The following CDH26 variants were observed in gnomAD, a reference collection of about 807,000 sequenced individuals.
CDH26 encodes the protein cadherin 26.
A neutral mutation model predicts 90.3 loss-of-function variants in CDH26; 83 were observed. The ratio of observed to expected loss-of-function variants is 0.92; its 90% CI spans 0.77 to 1.10. CDH26 has a LOEUF of 1.10. Among genes scored for constraint, CDH26 ranks in the 50% least tolerant of loss-of-function variants. The pLI is 0.00. For synonymous variants in CDH26, 397 were observed against 396.3 expected (o/e 1.00, Z -0.02); for missense variants, 1,013 against 1,037.6 (o/e 0.98, Z 0.33).
intron 2 of CDH26, among the ~76,000 whole-genome samples, chr20:59,969,457 A>T (rs1349439422): frequency 6.6e-6 from 1 of 152,230 alleles, no homozygotes; most frequent in Non-Finnish European, 1.5e-5. Flanking sequence ...TTTAAAAAAG[A>T]ACTTACATTT....
chr20:59,970,809 AAAATAAATAAATAAAT>A (rs34187396), intron 3 of CDH26, among the ~76,000 whole-genome samples: 29 of 144,084 alleles, frequency 2.0e-4, no homozygotes, highest in African/African-American at 2.3e-4. Flanking sequence ...CTCTGTCTCA[AAAATAAATAAATAAAT>A]AAATAAATAA....
At chr20:59,990,602 G>T (rs194993) in intron 9 of CDH26, among the ~76,000 whole-genome samples, 46,834 of 152,016 alleles carry the variant, frequency 0.31, 10,282 homozygotes, top group African/African-American at 0.61. Context: ...ATAATGAAAT[G>T]GAATTACTAG....
At chr20:60,001,738 A>C (rs760229021) in intron 15 of CDH26, 14 of 616,972 alleles carry the variant, frequency 2.3e-5, no homozygotes, top group Admixed American at 1.3e-4. Context: ...AAAGCACAGC[A>C]CTTTGGCCCT....
At position 59,992,443 on chromosome 20, in the gene CDH26, C is replaced by A. The variant is rs945661593; in HGVS notation, c.1349C>A (p.Thr450Asn). Residue 450 changes from threonine to asparagine, a missense_variant, in exon 10 of 18, where the codon ACC becomes AAC. Transcript: ENST00000348616. This position sits in a 1 kb window ranked among gnomAD's most constrained non-coding sequence, Gnocchi z 5.0. ...GACAAAAACTCCGGAGTGGTCATCACCGTGGAGCCAATTGACCGAGAATCC... is the reference window on the plus strand; with the variant it reads ...GACAAAAACTCCGGAGTGGTCATCAACGTGGAGCCAATTGACCGAGAATCC... ...SVDKNSGVVI[T>N]VEPIDRESPH... 20 of 1,613,910 alleles carry A rather than the reference C, an allele frequency of 1.2e-5. No individual in the cohort carries two copies. The East Asian group carries it at 1.8e-4, about 14-fold the overall frequency.
chr20:59,985,004 GC>G lies in CDH26; in HGVS notation c.713del (p.Ala238ValfsTer7), dbSNP rs1569037388. 1 of 1,613,736 alleles carries G rather than the reference GC, an allele frequency of 6.2e-7. No individual in the cohort carries two copies. Among genetic ancestry groups the G allele is most frequent in the Non-Finnish European group, 8.5e-7 (1 of 1,179,816 alleles). ...RLSGCLDYET[A>X]PQFTLLIRAR... is the part of the protein sequence containing the mutation. ...CTTTCCTTTTCCTCCCACATAGACC[GC>G]TCCTCAGTTTACACTGCTAATCAGA... On this transcript the variant is annotated frameshift_variant, in exon 7 of 18. Coordinates refer to ENST00000348616, the MANE Select transcript of CDH26 (RefSeq NM_177980.4). LOFTEE classifies it high-confidence loss of function.
In CDH26 at chr20:59,979,816, G is replaced by A. The variant is rs563977470; in HGVS notation, c.394-3107G>A. ...TAATTTTTATATTTTTAGTAGAGTC[G>A]GGGTTTCACCATGTTGGCCAGGCTG... On this transcript the variant is annotated intron_variant, in intron 4 of 17. Coordinates refer to ENST00000348616, the MANE Select transcript of CDH26 (RefSeq NM_177980.4). Among the ~76,000 whole-genome samples, 19 of 150,172 alleles carry A rather than the reference G, an allele frequency of 1.3e-4. No homozygotes were observed. The South Asian group carries it at 2.7e-3, about 22-fold the overall frequency.
chr20:59,973,073 A>G (rs1288887396), intron 4 of CDH26, among the ~76,000 whole-genome samples: 1 of 152,208 alleles, frequency 6.6e-6, no homozygotes, highest in Non-Finnish European at 1.5e-5. Context: ...AGGACTTTTA[A>G]CAGTGCCTGT....
At chr20:60,008,120 C>CT (rs956402922) in intron 17 of CDH26, among the ~76,000 whole-genome samples, 1 of 152,156 alleles carries the variant, frequency 6.6e-6, no homozygotes, top group Admixed American at 6.5e-5. Flanking sequence ...TAAGCAGCTC[C>CT]TCCTGTTGCA....
intron 1 of CDH26, among the ~76,000 whole-genome samples, chr20:59,967,894 T>TTTCTCTCTGTCTCTCTC (rs2061184009): frequency 8.0e-6 from 1 of 124,740 alleles, no homozygotes; most frequent in African/African-American, 3.8e-5. Context: ...CCTTCCTTCC[T>TTTCTCTCTGTCTCTCTC]TCCTTCCTTC....
chr20:59,970,833 T>TAAAG (rs1393937235), intron 3 of CDH26, among the ~76,000 whole-genome samples: 1 of 150,560 alleles, frequency 6.6e-6, no homozygotes, highest in Non-Finnish European at 1.5e-5. Context: ...AATAAATAAA[T>TAAAG]AAATAAATAA....
chr20:59,967,863 TTCTTTC>T (rs1601089751), intron 1 of CDH26, among the ~76,000 whole-genome samples: 1 of 116,380 alleles, frequency 8.6e-6, no homozygotes, highest in African/African-American at 4.9e-5. Context: ...CTTTCTTTCT[TTCTTTC>T]TTTCTTTCTT....
rs529978795 is a variant in CDH26 at position 59,993,874 on chromosome 20, G to A, written c.1427-376G>A. On this transcript the variant is annotated intron_variant, in intron 10 of 17. Coordinates refer to ENST00000348616, the MANE Select transcript of CDH26 (RefSeq NM_177980.4). Reference sequence around the variant, plus strand: ...AACCTTGTAACCAGTACATCAACGCGGAGACGCAGCGCATTTGCCTCCCCT... The same window carrying A: ...AACCTTGTAACCAGTACATCAACGCAGAGACGCAGCGCATTTGCCTCCCCT... Among the ~76,000 whole-genome samples, 7 of 152,294 alleles carry A rather than the reference G, an allele frequency of 4.6e-5. No homozygotes were observed. The South Asian group carries it at 6.2e-4, about 14-fold the overall frequency.
intron 8 of CDH26, chr20:60,033,407 C>T: frequency 2.4e-6 from 3 of 1,254,364 alleles, no homozygotes; most frequent in Non-Finnish European, 3.1e-6. Context: ...TTATCAAATG[C>T]TTAGTGAATG....
Position 60,030,821 on chromosome 20 carries a change from C to T in CDH26, c.948-410C>T, listed in dbSNP as rs1235497797. Among the ~76,000 whole-genome samples, 1 of 152,168 alleles carries T rather than the reference C, an allele frequency of 6.6e-6. No individual in the cohort carries two copies. The highest frequency in any genetic ancestry group is 6.5e-5 in the Admixed American group (1 of 15,268). On this transcript the variant is annotated intron_variant, in intron 7 of 8. Transcript: ENST00000370991. This position sits in a 1 kb window ranked among gnomAD's most constrained non-coding sequence, Gnocchi z 4.0. The stretch of plus-strand genomic sequence containing the variant: ...TAAGTCCTGCACCTAGTTAAGAAGC[C>T]ATGACTCCCCTTGGACAATTACCTG...
At chr20:60,027,534 C>T (rs2062007276) in intron 7 of CDH26, among the ~76,000 whole-genome samples, 3 of 152,046 alleles carry the variant, frequency 2.0e-5, no homozygotes, top group Admixed American at 6.6e-5. Flanking sequence ...ATACTTTACC[C>T]CTAAATACTT....
intron 15 of CDH26, 83 bp from the exon 16 acceptor site, chr20:60,002,730 T>C: frequency 4.8e-6 from 5 of 1,039,736 alleles, no homozygotes; most frequent in Non-Finnish European, 7.1e-6. Flanking sequence ...TGAAAGGCAA[T>C]ATGACTGCAA....
chr20:60,004,379 T>C (rs140988064), intron 16 of CDH26, among the ~76,000 whole-genome samples: 3 of 152,310 alleles, frequency 2.0e-5, no homozygotes, highest in South Asian at 2.1e-4. Flanking sequence ...CCTAGACCTC[T>C]TGGTGTAGCC....
chr20:60,000,425 C>T (rs981448292), intron 14 of CDH26, among the ~76,000 whole-genome samples: 8 of 152,104 alleles, frequency 5.3e-5, no homozygotes, highest in Admixed American at 1.3e-4. Flanking sequence ...GGGCTGGGTT[C>T]GCCGTGCATT....
At chr20:60,024,553 C>A (rs1166556233) in intron 7 of CDH26, among the ~76,000 whole-genome samples, 2 of 152,210 alleles carry the variant, frequency 1.3e-5, no homozygotes, top group Non-Finnish European at 2.9e-5. Context: ...AATCCTCATT[C>A]ATATCTCAGA....
Sources: allele counts gnomAD v4.1 joint callset (sites outside exome capture counted in the v4.1 genomes callset), GRCh38; gene constraint gnomAD v4.1.1; non-coding constraint Gnocchi (gnomAD v3.1); transcripts MANE v1.5; gene names NCBI Gene and HGNC (gene_info 2026-07-23, HGNC 2026-07-21).